CDK6: variants seen among roughly 807,000 people sequenced by gnomAD.
The protein encoded by CDK6 is cyclin dependent kinase 6.
CDK6 carries 6 observed loss-of-function variants against 37.1 expected under a neutral mutation model. The ratio of observed to expected loss-of-function variants is 0.16; its 90% CI spans 0.09 to 0.32. The LOEUF is 0.32. Ranked by LOEUF, CDK6 falls within the 10% of genes least tolerant of loss-of-function variation. The probability of loss-of-function intolerance (pLI) is 1.00; values close to 1 mark genes in which losing one functional copy is unlikely to be tolerated. For missense variants in CDK6, 224 were observed against 418.9 expected (o/e 0.53, Z 4.06); for synonymous variants, 160 against 161.3 (o/e 0.99, Z 0.06).
intron 5 of CDK6, among the ~76,000 whole-genome samples, chr7:92,643,794 C>T (rs1307653600): frequency 6.6e-6 from 1 of 152,202 alleles, no homozygotes; most frequent in African/African-American, 2.4e-5. Flanking sequence ...AAATGGGACA[C>T]TTACTATTCA....
intron 5 of CDK6, among the ~76,000 whole-genome samples, chr7:92,627,404 G>C (rs537756030): frequency 1.8e-4 from 28 of 152,132 alleles, no homozygotes; most frequent in African/African-American, 5.1e-4. Context: ...GCCTTTGGGA[G>C]GTAATTATGT....
rs551393050 is a variant in CDK6, at chr7:92,611,235, A to C, written c.*3905T>G. Reference sequence around the variant, plus strand: ...ACAATGTGAAACATGCATTCTTTTGAATTATATAAATATCTAAGAGTTTAT... The same window carrying C: ...ACAATGTGAAACATGCATTCTTTTGCATTATATAAATATCTAAGAGTTTAT... On this transcript the variant is annotated 3_prime_UTR_variant, in exon 8 of 8. Transcript: ENST00000424848. 4.4e-6 allele frequency: 1 copy of C among 225,848 alleles called. No homozygotes were observed. The highest frequency in any genetic ancestry group is 1.8e-4 in the South Asian group (1 of 5,462). 14.0% of individuals were successfully genotyped at this position (225,848 alleles called of 1,614,324 possible). A position where few individuals can be genotyped will look rare whatever the true frequency, so the allele number is the denominator to read the frequency against.
intron 5 of CDK6, among the ~76,000 whole-genome samples, chr7:92,628,970 T>A (rs1795992667): frequency 6.6e-6 from 1 of 151,782 alleles, no homozygotes; most frequent in African/African-American, 2.4e-5. Context: ...TGAGAAAAAG[T>A]GTAGCAAAGG....
intron 3 of CDK6, among the ~76,000 whole-genome samples, chr7:92,773,535 T>C (rs557627553): frequency 1.3e-5 from 2 of 152,180 alleles, no homozygotes; most frequent in South Asian, 2.1e-4. Context: ...AGGGGTGGAA[T>C]AGAATGCCAG....
intron 3 of CDK6, among the ~76,000 whole-genome samples, chr7:92,731,073 G>A (rs1211651755): frequency 6.7e-6 from 1 of 150,318 alleles, no homozygotes; most frequent in Non-Finnish European, 1.5e-5. Flanking sequence ...ACCCACTTTT[G>A]TCTGCATTCT....
intron 3 of CDK6, among the ~76,000 whole-genome samples, chr7:92,740,445 C>T (rs549540013): frequency 1.6e-4 from 25 of 152,260 alleles, no homozygotes; most frequent in African/African-American, 5.1e-4. Flanking sequence ...GTGCCCGCCT[C>T]GTATAATCTC....
chr7:92,827,699 T>C (rs1410044990), intron 2 of CDK6, among the ~76,000 whole-genome samples: 1 of 152,202 alleles, frequency 6.6e-6, no homozygotes, highest in African/African-American at 2.4e-5. Context: ...TGCTGCCTCC[T>C]GGATCTTGGA....
chr7:92,781,825 T>C (rs954535451), intron 2 of CDK6, among the ~76,000 whole-genome samples: 8 of 152,184 alleles, frequency 5.3e-5, no homozygotes, highest in African/African-American at 1.9e-4. Flanking sequence ...TTTAAAAATA[T>C]CTAATCTCCT....
rs374026920 is a variant in CDK6 at position 92,606,990 on chromosome 7, C to T, written c.*8150G>A. The T allele has an allele frequency of 4.3e-6, 1 of 233,010 alleles. No individual in the cohort carries two copies. The highest frequency in any genetic ancestry group is 8.5e-6 in the Non-Finnish European group (1 of 117,966). 14.4% of individuals were successfully genotyped at this position (233,010 alleles called of 1,614,324 possible). A position where few individuals can be genotyped will look rare whatever the true frequency, so the allele number is the denominator to read the frequency against. On this transcript the variant is annotated 3_prime_UTR_variant, in exon 8 of 8. Coordinates refer to ENST00000424848, the MANE Select transcript of CDK6 (RefSeq NM_001145306.2). ...TGGGAATTGTTGGTTGTTAAAATCC[C>T]TTTTATTTTATAATAAATTATACAG...
chr7:92,706,690 C>G (rs1019204723), intron 4 of CDK6, among the ~76,000 whole-genome samples: 2 of 152,082 alleles, frequency 1.3e-5, no homozygotes, highest in Non-Finnish European at 2.9e-5. Context: ...TGAAGAAACA[C>G]CACTGGATTT....
intron 3 of CDK6, among the ~76,000 whole-genome samples, chr7:92,759,513 T>TA (rs1483438587): frequency 6.6e-6 from 1 of 151,988 alleles, no homozygotes; most frequent in East Asian, 1.9e-4. Flanking sequence ...TTATTTTTTT[T>TA]AAAAAATGTG....
intron 3 of CDK6, among the ~76,000 whole-genome samples, chr7:92,760,763 C>T (rs1049393962): frequency 3.3e-5 from 5 of 151,956 alleles, no homozygotes; most frequent in Admixed American, 2.6e-4. Context: ...AATACATTCC[C>T]AAAATGGGAT....
At chr7:92,755,992 G>A (rs1305688020) in intron 3 of CDK6, among the ~76,000 whole-genome samples, 1 of 151,940 alleles carries the variant, frequency 6.6e-6, no homozygotes, top group African/African-American at 2.4e-5. Flanking sequence ...TGCCCACAAC[G>A]TTTTGCAAGG....
At chr7:92,742,059 A>G (rs1798936864) in intron 3 of CDK6, among the ~76,000 whole-genome samples, 1 of 152,226 alleles carries the variant, frequency 6.6e-6, no homozygotes, top group East Asian at 1.9e-4. Flanking sequence ...GAACCATTTT[A>G]GAGACAAACA....
At chr7:92,768,474 C>T (rs964905328) in intron 3 of CDK6, among the ~76,000 whole-genome samples, 18 of 152,154 alleles carry the variant, frequency 1.2e-4, no homozygotes, top group African/African-American at 4.3e-4. Flanking sequence ...AGGTGTCTTT[C>T]ACAAATGTAC....
chr7:92,734,349 T>G (rs1798731795), intron 3 of CDK6, among the ~76,000 whole-genome samples: 1 of 152,198 alleles, frequency 6.6e-6, no homozygotes, highest in African/African-American at 2.4e-5. Context: ...CTGTCTAGAC[T>G]GAACCCTTAA....
rs796931269 is a variant in CDK6 at position 92,688,580 on chromosome 7, A to ATC, written c.538-17047_538-17046dup. Among the ~76,000 whole-genome samples, 537 of 101,280 alleles carry ATC rather than the reference A, an allele frequency of 5.3e-3. 4 individuals carry two copies. The highest frequency in any genetic ancestry group is 0.048 in the East Asian group (129 of 2,712). 66.4% of individuals were successfully genotyped at this position (101,280 alleles called of 152,430 possible). ...CTTGAGGTGTATAGACTACATATAC[A>ATC]TCACACACACACACACACACACACA... On this transcript the variant is annotated intron_variant, in intron 4 of 7. Transcript: ENST00000424848.
chr7:92,807,004 A>C (rs1185079515), intron 2 of CDK6, among the ~76,000 whole-genome samples: 1 of 152,196 alleles, frequency 6.6e-6, no homozygotes, highest in African/African-American at 2.4e-5. Context: ...GCCATACTGA[A>C]GTTGTAGCTT....
chr7:92,803,483 T>C (rs1206211571), intron 2 of CDK6, among the ~76,000 whole-genome samples: 1 of 152,092 alleles, frequency 6.6e-6, no homozygotes, highest in Admixed American at 6.5e-5. Flanking sequence ...AAGTAAGCCA[T>C]GGAGGGCAGC....
Sources: gnomAD v4.1 joint callset for allele counts (sites outside exome capture counted in the v4.1 genomes callset) on GRCh38, gnomAD v4.1.1 for gene constraint, MANE v1.5 for transcripts, NCBI Gene and HGNC (gene_info 2026-07-23, HGNC 2026-07-21) for gene names.